Variants in HNRNPK observed in about 807,000 individuals in gnomAD.
HNRNPK encodes the protein dC-stretch binding protein.
Under a neutral mutation model 67.0 loss-of-function variants are expected in HNRNPK, and 7 were observed. That is an observed-to-expected ratio of 0.10 (90% CI 0.06 to 0.20). The LOEUF is 0.20. Among genes scored for constraint, HNRNPK ranks in the 10% least tolerant of loss-of-function variants. The pLI, the probability that HNRNPK is intolerant of heterozygous loss-of-function variation, is 1.00. For synonymous variants in HNRNPK, 213 were observed against 193.7 expected (o/e 1.10, Z -0.83); for missense variants, 264 against 606.5 (o/e 0.44, Z 5.93).
Position 83,977,753 on chromosome 9 carries a change from T to C in HNRNPK, c.92A>G (p.Gln31Arg), listed in dbSNP as rs757328394. ...AGTGTTTCTAGATCTTTTAAATGCT[T>C]GTTCCTCTTCCATATCTTCTGCAGG... Reference protein sequence around the residue: ...KRPAEDMEEEQAFKRSRNTDE... With the variant: ...KRPAEDMEEERAFKRSRNTDE... Residue 31 changes from glutamine (Q) to arginine (R), a missense_variant, in exon 4 of 17, where the codon CAA (glutamine) becomes CGA (arginine). Around this residue, in one of 6 missense-constraint regions of HNRNPK, gnomAD observed 32 missense variants for 45.6 expected, o/e 0.70. Coordinates refer to ENST00000376263, the MANE Select transcript of HNRNPK (RefSeq NM_031263.4). The C allele has an allele frequency of 6.2e-7, 1 of 1,609,660 alleles. No individual in the cohort carries two copies. Among genetic ancestry groups the C allele is most frequent in the Admixed American group, 1.7e-5 (1 of 59,904 alleles).
chr9:83,976,729 G>C, intron 5 of HNRNPK: 1 of 317,276 alleles, frequency 3.2e-6, no homozygotes, highest in Non-Finnish European at 5.7e-6. Flanking sequence ...TAATTAAGAT[G>C]TTATCTTGCT....
At chr9:83,973,056 A>G in intron 9 of HNRNPK, 84 bp from the exon 10 acceptor site, 1 of 958,426 alleles carries the variant, frequency 1.0e-6, no homozygotes, top group Non-Finnish European at 1.6e-6. Flanking sequence ...ATTTGAATTC[A>G]ACAATTAACC....
chr9:83,974,781 A>AAT (rs1368026885), intron 6 of HNRNPK, among the ~76,000 whole-genome samples, 192 bp from the exon 7 acceptor site: 1 of 152,216 alleles, frequency 6.6e-6, no homozygotes, highest in African/African-American at 2.4e-5. Context: ...ACATGATAAC[A>AAT]ATATTAGGAG....
chr9:83,970,626 T>A (rs1355540294), intron 15 of HNRNPK, 111 bp downstream of exon 15: 1 of 789,142 alleles, frequency 1.3e-6, no homozygotes, highest in Non-Finnish European at 2.1e-6. Flanking sequence ...TAACATAACC[T>A]CAATCCTAAA....
chr9:83,976,852 C>T (rs939645995), intron 5 of HNRNPK, 143 bp downstream of exon 5: 20 of 535,532 alleles, frequency 3.7e-5, no homozygotes, highest in African/African-American at 2.1e-4. Context: ...TGGATAACTT[C>T]GAAATCAATT....
intron 8 of HNRNPK, 22 bp downstream of exon 8, chr9:83,973,880 G>C (rs535698941): frequency 6.3e-7 from 1 of 1,589,302 alleles, no homozygotes; most frequent in East Asian, 2.2e-5. Context: ...CTTCAGTGGG[G>C]TTCAATGGCA....
At chr9:83,971,606 A>C in intron 12 of HNRNPK, 66 bp downstream of exon 12, 4 of 1,331,330 alleles carry the variant, frequency 3.0e-6, no homozygotes, top group Admixed American at 3.5e-5. Context: ...ACCTTCAACA[A>C]AACGTGAACT....
chr9:83,979,206 T>C (rs1957231436), intron 1 of HNRNPK, among the ~76,000 whole-genome samples: 1 of 152,274 alleles, frequency 6.6e-6, no homozygotes, highest in Admixed American at 6.5e-5. Flanking sequence ...CGGCCTCTAC[T>C]AGAAGGTTGG....
At chr9:83,972,267 T>G in intron 10 of HNRNPK, 78 bp from the exon 11 acceptor site, 1 of 1,075,662 alleles carries the variant, frequency 9.3e-7, no homozygotes, top group Middle Eastern at 2.1e-4. Flanking sequence ...AACATCATCA[T>G]CAAACAAAAT....
Position 83,974,582 on chromosome 9 carries a change from T to A in HNRNPK, c.265A>T (p.Ser89Cys). The A allele has an allele frequency of 6.2e-7, 1 of 1,602,222 alleles. No individual in the cohort carries two copies. ...PDSSGPERIL[S>C]ISADIETIGE... ...ATTGTTTCAATATCAGCACTGATAC[T>A]CAATATGCTGTCAAACACCACAAAT... The change falls in exon 7 of 17, where the codon AGT becomes TGT. Residue 89 changes from serine to cysteine, a missense_variant. By Grantham distance (112) the Ser-to-Cys change is moderately radical (BLOSUM62 -1). Around this residue, in one of 6 missense-constraint regions of HNRNPK, gnomAD observed 39 missense variants for 54.4 expected, o/e 0.72. Coordinates refer to ENST00000376263, the MANE Select transcript of HNRNPK (RefSeq NM_031263.4).
intron 4 of HNRNPK, 36 bp from the exon 5 acceptor site, chr9:83,977,087 T>C: frequency 1.2e-5 from 19 of 1,521,690 alleles, no homozygotes; most frequent in Non-Finnish European, 1.7e-5. Flanking sequence ...TTATTTTGCC[T>C]TTCCCTAAAA....
chr9:83,974,938 G>A (rs1350152073), intron 6 of HNRNPK, among the ~76,000 whole-genome samples: 1 of 152,182 alleles, frequency 6.6e-6, no homozygotes, highest in African/African-American at 2.4e-5. Flanking sequence ...TGGTAAAACT[G>A]GCACACCTTC....
At chr9:83,975,199 G>A (rs1331641264) in intron 6 of HNRNPK, among the ~76,000 whole-genome samples, 2 of 152,168 alleles carry the variant, frequency 1.3e-5, no homozygotes, top group African/African-American at 4.8e-5. Flanking sequence ...GACTATTTTG[G>A]TAACAATTTG....
intron 9 of HNRNPK, 62 bp downstream of exon 9, chr9:83,973,224 A>C (rs1956934922): frequency 1.0e-6 from 1 of 985,158 alleles, no homozygotes; most frequent in South Asian, 1.3e-5. Flanking sequence ...AGCTCACAGA[A>C]ACAAGTCTAT....
At chr9:83,979,977 G>C (rs1004783684) in intron 1 of HNRNPK, among the ~76,000 whole-genome samples, 176 bp downstream of exon 1, 1 of 152,196 alleles carries the variant, frequency 6.6e-6, no homozygotes, top group African/African-American at 2.4e-5. Context: ...ACCACAACGC[G>C]GACTGCGGAT....
chr9:83,975,744 G>A, intron 5 of HNRNPK: 2 of 573,190 alleles, frequency 3.5e-6, no homozygotes, highest in Non-Finnish European at 6.3e-6. Context: ...GGGAAAAGGG[G>A]GAAAAGCAAT....
rs746048230 is a variant in HNRNPK at position 83,971,647 on chromosome 9, A to C, written c.1008+25T>G. On this transcript the variant is annotated intron_variant, in intron 12 of 16. Transcript: ENST00000376263. Reference sequence around the variant, plus strand: ...GTGACAACCCTCACATACCCAACACACTGGTAATAAACCAAAGTTCTTACC... The same window carrying C: ...GTGACAACCCTCACATACCCAACACCCTGGTAATAAACCAAAGTTCTTACC... 18 of 1,585,420 alleles carry C rather than the reference A, an allele frequency of 1.1e-5. No homozygotes were observed. In the South Asian group the frequency reaches 1.9e-4, roughly 17 times the overall value.
At position 83,972,043 on chromosome 9, in the gene HNRNPK, C is replaced by T. The variant is rs960183341; in HGVS notation, c.792G>A (p.Met264Ile). The change falls in exon 11 of 17, where the codon ATG becomes ATA. Residue 264 changes from methionine to isoleucine, a missense_variant. By Grantham distance (10) the Met-to-Ile change is conservative. This residue lies in a region of HNRNPK where 142 missense variants were observed against 256.5 expected (regional missense o/e 0.55). Transcript: ENST00000376263. ...PMRGRGGFDR[M>I]PPGRGGRPMP... ...TGGGACGCCCACCCCGACCAGGAGG[C>T]ATTCTGTCAAAACCACCTCTTCCCC... The T allele has an allele frequency of 2.3e-5, 37 of 1,613,974 alleles. No individual in the cohort carries two copies. Among genetic ancestry groups the T allele is most frequent in the Non-Finnish European group, 2.8e-5 (33 of 1,179,866 alleles).
intron 2 of HNRNPK, 45 bp downstream of exon 2, chr9:83,978,328 C>G: frequency 1.6e-6 from 2 of 1,279,382 alleles, no homozygotes; most frequent in Non-Finnish European, 2.0e-6. Context: ...GGAAAGCAAG[C>G]TGTAAAAAAA....
Sources: allele counts gnomAD v4.1 joint callset (sites outside exome capture counted in the v4.1 genomes callset), GRCh38; gene constraint gnomAD v4.1.1; regional missense constraint gnomAD v4.1.1; transcripts MANE v1.5; gene names NCBI Gene and HGNC (gene_info 2026-07-23, HGNC 2026-07-21).